The following ZMAT4 variants were observed in gnomAD, a reference collection of about 807,000 sequenced individuals.
ZMAT4 encodes the protein zinc finger matrin-type 4, also known as zinc finger matrin-type protein 4.
In ZMAT4, 17 loss-of-function variants were observed where a neutral mutation model predicts 28.7. The ratio of observed to expected loss-of-function variants is 0.59; its 90% CI spans 0.41 to 0.89. The LOEUF is 0.89. Ranked by LOEUF, ZMAT4 falls within the 40% of genes least tolerant of loss-of-function variation. The probability of loss-of-function intolerance (pLI) is 0.00; values close to 1 mark genes in which losing one functional copy is unlikely to be tolerated. For synonymous variants in ZMAT4, 117 were observed against 109.2 expected (o/e 1.07, Z -0.44); for missense variants, 240 against 283.8 (o/e 0.85, Z 1.11).
intron 6 of ZMAT4, among the ~76,000 whole-genome samples, chr8:40,550,123 G>C (rs937483933): frequency 2.0e-5 from 3 of 152,126 alleles, no homozygotes; most frequent in Admixed American, 2.0e-4. Flanking sequence ...CAACTCCTGA[G>C]TTGTGATGGG....
chr8:40,712,062 T>G (rs942067642), intron 3 of ZMAT4, among the ~76,000 whole-genome samples: 1 of 152,118 alleles, frequency 6.6e-6, no homozygotes, highest in African/African-American at 2.4e-5. Flanking sequence ...TTGACGAAGA[T>G]AGAAAAGGAT....
chr8:40,532,965 G>A (rs1802739843), intron 6 of ZMAT4, among the ~76,000 whole-genome samples: 1 of 150,286 alleles, frequency 6.7e-6, no homozygotes, highest in African/African-American at 2.5e-5. Context: ...CCTGGCAACA[G>A]AGGGAGACTC....
intron 5 of ZMAT4, among the ~76,000 whole-genome samples, chr8:40,668,892 T>TTA (rs397815622): frequency 8.7e-5 from 13 of 149,736 alleles, no homozygotes; most frequent in Non-Finnish European, 1.5e-4. Flanking sequence ...TTTTTTTTTT[T>TTA]ATATTGGACA....
At chr8:40,703,142 A>G (rs1299641780) in intron 3 of ZMAT4, among the ~76,000 whole-genome samples, 1 of 152,222 alleles carries the variant, frequency 6.6e-6, no homozygotes, top group Non-Finnish European at 1.5e-5. Flanking sequence ...TTTACTTAGA[A>G]GCAGTGGCTC....
chr8:40,616,226 G>T (rs1267562290), intron 5 of ZMAT4, among the ~76,000 whole-genome samples: 1 of 152,192 alleles, frequency 6.6e-6, no homozygotes, highest in Non-Finnish European at 1.5e-5. Flanking sequence ...TCATTAAAAA[G>T]TCAGGAAACA....
chr8:40,569,781 T>C (rs993796486), intron 6 of ZMAT4, among the ~76,000 whole-genome samples: 46 of 152,324 alleles, frequency 3.0e-4, no homozygotes, highest in Admixed American at 2.7e-3. Flanking sequence ...TTCTTTGTAG[T>C]AGGCCTAGCT....
intron 5 of ZMAT4, among the ~76,000 whole-genome samples, chr8:40,632,048 G>A (rs984333582): frequency 6.6e-6 from 1 of 152,144 alleles, no homozygotes; most frequent in Non-Finnish European, 1.5e-5. Flanking sequence ...CAACCACAGG[G>A]AGCCTTTCCT....
intron 2 of ZMAT4, among the ~76,000 whole-genome samples, chr8:40,777,813 C>T (rs1168274652): frequency 1.3e-5 from 2 of 152,240 alleles, no homozygotes; most frequent in Admixed American, 6.5e-5. Flanking sequence ...TGCAACAAGG[C>T]TCCCAGGAGC....
chr8:40,614,834 G>A (rs867838614), intron 5 of ZMAT4, among the ~76,000 whole-genome samples: 5 of 152,044 alleles, frequency 3.3e-5, no homozygotes, highest in Middle Eastern at 3.4e-3. Flanking sequence ...CACGTGAGAT[G>A]GGTTTCCTGA....
At chr8:40,641,370 G>T (rs1215899932) in intron 5 of ZMAT4, among the ~76,000 whole-genome samples, 1 of 152,156 alleles carries the variant, frequency 6.6e-6, no homozygotes, top group Non-Finnish European at 1.5e-5. Flanking sequence ...CATTTATTTT[G>T]GTTAGGTGAC....
chr8:40,645,510 C>G (rs1807261307), intron 5 of ZMAT4, among the ~76,000 whole-genome samples: 1 of 152,170 alleles, frequency 6.6e-6, no homozygotes, highest in Middle Eastern at 3.4e-3. Context: ...TTTGAATAAA[C>G]ATTTGTAAAA....
At chr8:40,720,826 C>A (rs544045432) in intron 3 of ZMAT4, among the ~76,000 whole-genome samples, 1 of 151,606 alleles carries the variant, frequency 6.6e-6, no homozygotes, top group East Asian at 1.9e-4. Flanking sequence ...ATGCCCAGCC[C>A]GATAGACTCT....
chr8:40,841,285 G>C (rs979443228), intron 1 of ZMAT4, among the ~76,000 whole-genome samples: 11 of 152,146 alleles, frequency 7.2e-5, no homozygotes, highest in Admixed American at 1.3e-4. Flanking sequence ...TTTGAAACCT[G>C]AGTAACTGCT....
intron 5 of ZMAT4, among the ~76,000 whole-genome samples, chr8:40,611,273 A>C (rs1805784290): frequency 6.6e-6 from 1 of 152,150 alleles, no homozygotes; most frequent in Non-Finnish European, 1.5e-5. Flanking sequence ...GTCCATTTAA[A>C]CTACATCGAT....
chr8:40,601,445 G>GGAGGAAGA (rs1805309538), intron 5 of ZMAT4, among the ~76,000 whole-genome samples: 2 of 100,974 alleles, frequency 2.0e-5, no homozygotes, highest in African/African-American at 4.5e-5. Context: ...AGGAAGGAAG[G>GGAGGAAGA]AAGGAAGGAA....
At chr8:40,659,667 C>G (rs527271382) in intron 5 of ZMAT4, among the ~76,000 whole-genome samples, 2 of 152,114 alleles carry the variant, frequency 1.3e-5, no homozygotes, top group African/African-American at 4.8e-5. Flanking sequence ...TTTATTGTTC[C>G]TCTGTGGTAC....
chr8:40,789,622 C>T (rs1814240039), intron 2 of ZMAT4, among the ~76,000 whole-genome samples: 1 of 152,048 alleles, frequency 6.6e-6, no homozygotes, highest in African/African-American at 2.4e-5. Context: ...CCCCATTTAC[C>T]CTGATGTAAT....
At chr8:40,552,535 C>G (rs1803397093) in intron 6 of ZMAT4, among the ~76,000 whole-genome samples, 1 of 152,194 alleles carries the variant, frequency 6.6e-6, no homozygotes, top group Non-Finnish European at 1.5e-5. Flanking sequence ...CTAACATTTA[C>G]TGAACTCCTA....
chr8:40,737,229 G>A (rs1395543103), intron 3 of ZMAT4, among the ~76,000 whole-genome samples: 2 of 151,388 alleles, frequency 1.3e-5, no homozygotes, highest in Admixed American at 1.3e-4. Context: ...TTTTTTTTTA[G>A]CTCGTCAGCT....
Sources: allele counts gnomAD v4.1 joint callset (sites outside exome capture counted in the v4.1 genomes callset), GRCh38; gene constraint gnomAD v4.1.1; transcripts MANE v1.5; gene names NCBI Gene and HGNC (gene_info 2026-07-23, HGNC 2026-07-21).